SGCD: variants seen among roughly 807,000 people sequenced by gnomAD.
SGCD encodes delta-sarcoglycan.
SGCD carries 18 observed loss-of-function variants against 36.6 expected under a neutral mutation model. That is an observed-to-expected ratio of 0.49 (90% confidence interval 0.34 to 0.73). The LOEUF (loss-of-function observed/expected upper bound fraction) is 0.73. SGCD is among the 30% of genes least tolerant of loss of function. SGCD has a pLI of 0.01. For missense variants in SGCD, 387 were observed against 346.7 expected (o/e 1.12, Z -0.92); for synonymous variants, 133 against 130.6 (o/e 1.02, Z -0.12).
At chr5:156,335,755 C>T (rs1768319777) in intron 2 of SGCD, among the ~76,000 whole-genome samples, 2 of 152,158 alleles carry the variant, frequency 1.3e-5, no homozygotes, top group South Asian at 4.1e-4. Context: ...TTCTCCTTGA[C>T]TCCTGTCCTT....
intron 1 of SGCD, among the ~76,000 whole-genome samples, chr5:155,881,230 A>G (rs1561636647): frequency 6.6e-6 from 1 of 152,030 alleles, no homozygotes; most frequent in Non-Finnish European, 1.5e-5. Flanking sequence ...AGGATTAATC[A>G]GAAAACCACT....
At chr5:155,801,789 A>C in the SGCD span, among the ~76,000 whole-genome samples, 1 of 152,202 alleles carries the variant, frequency 6.6e-6, no homozygotes, top group African/African-American at 2.4e-5. Flanking sequence ...AGAATTCTAG[A>C]GATTGATTCA....
chr5:156,094,013 C>G (rs138745195), intron 1 of SGCD, among the ~76,000 whole-genome samples: 1 of 152,300 alleles, frequency 6.6e-6, no homozygotes, highest in East Asian at 1.9e-4. Flanking sequence ...TGGTATTGCT[C>G]TGTGCAAATC....
At chr5:156,428,119 C>G (rs2127785433) in intron 3 of SGCD, among the ~76,000 whole-genome samples, 1 of 152,166 alleles carries the variant, frequency 6.6e-6, no homozygotes, top group Non-Finnish European at 1.5e-5. Context: ...GGTACCAATT[C>G]CTTTTTTAAT....
rs186889595 is a variant in SGCD at position 156,046,801 on chromosome 5, G to A, written c.-281-71077G>A. Among the ~76,000 whole-genome samples the A allele has an allele frequency of 2.3e-3, 355 of 152,212 alleles. 3 individuals are homozygous for A. Among genetic ancestry groups the A allele is most frequent in the African/African-American group, 8.4e-3 (347 of 41,532 alleles). The stretch of plus-strand genomic sequence containing the variant: ...TCCAATTGTCTCAAGGTATTCAAGT[G>A]AAGGGAAGTATCACATATCTCTCAC... On this transcript the variant is annotated intron_variant, in intron 1 of 9. Coordinates refer to the SGCD transcript ENST00000517913.
intron 2 of SGCD, among the ~76,000 whole-genome samples, chr5:156,343,758 T>A (rs1768794000): frequency 4.6e-5 from 7 of 152,220 alleles, no homozygotes; most frequent in Admixed American, 4.6e-4. Flanking sequence ...TAGTTCATCC[T>A]CTCATTAGCC....
At chr5:156,335,838 A>G (rs116702641) in intron 2 of SGCD, among the ~76,000 whole-genome samples, 1,949 of 151,470 alleles carry the variant, frequency 0.013, 50 homozygotes, top group African/African-American at 0.045. Flanking sequence ...AGATACAGCA[A>G]CTCCCCAGCT....
At chr5:156,264,132 G>T (rs776562695) in intron 3 of SGCD, among the ~76,000 whole-genome samples, 4 of 152,032 alleles carry the variant, frequency 2.6e-5, no homozygotes, top group Non-Finnish European at 5.9e-5. Flanking sequence ...AGAGAAGAAA[G>T]TGTAATTTCA....
intron 4 of SGCD, among the ~76,000 whole-genome samples, chr5:156,526,203 G>A (rs544776868): frequency 7.9e-5 from 12 of 152,196 alleles, no homozygotes; most frequent in Admixed American, 7.9e-4. Context: ...AGCTGGGGAA[G>A]GAGGGAGATA....
At position 155,954,498 on chromosome 5, in the gene SGCD, C is replaced by T. The variant is rs972734017; in HGVS notation, c.-282+84074C>T. On this transcript the variant is annotated intron_variant, in intron 1 of 9. Coordinates refer to the SGCD transcript ENST00000517913. ...TAGCGATCTGGGCATGGGGTTAAAG[C>T]AATTCTTAGCACCCCATCTGTACAA... Among the ~76,000 whole-genome samples the T allele has an allele frequency of 8.6e-5, 13 of 150,586 alleles. No homozygotes were observed. The South Asian group carries it at 2.7e-3, about 32-fold the overall frequency.
chr5:155,900,141 A>G lies in SGCD; in HGVS notation c.-282+29717A>G, dbSNP rs552717752. Among the ~76,000 whole-genome samples the G allele has an allele frequency of 2.4e-4, 37 of 152,288 alleles. 1 individual carries two copies. The East Asian group carries it at 6.9e-3, about 29-fold the overall frequency. On this transcript the variant is annotated intron_variant, in intron 1 of 9. Coordinates refer to the SGCD transcript ENST00000517913. ...TGCCATGATAATGATTATATAGGCC[A>G]TTCTTTCCACATTAGTAAAGATTTT... is the stretch of plus-strand genomic sequence containing the variant.
At chr5:156,130,130 C>T (rs1407494971) in intron 3 of SGCD, among the ~76,000 whole-genome samples, 1 of 152,186 alleles carries the variant, frequency 6.6e-6, no homozygotes, top group Non-Finnish European at 1.5e-5. Flanking sequence ...GTTCCCTTTT[C>T]CCTGCAACCT....
chr5:156,244,944 C>T (rs1765404591), intron 3 of SGCD, among the ~76,000 whole-genome samples: 1 of 152,168 alleles, frequency 6.6e-6, no homozygotes, highest in African/African-American at 2.4e-5. Context: ...GTCCAGACAT[C>T]ATATCATTGG....
At chr5:155,872,236 TAAG>T (rs1755668932) in intron 1 of SGCD, among the ~76,000 whole-genome samples, 2 of 152,070 alleles carry the variant, frequency 1.3e-5, no homozygotes, top group South Asian at 4.1e-4. Flanking sequence ...ACAAAGAGAA[TAAG>T]AATATCTACA....
the SGCD span, among the ~76,000 whole-genome samples, chr5:155,735,763 T>C: frequency 6.6e-6 from 1 of 152,216 alleles, no homozygotes; most frequent in African/African-American, 2.4e-5. Context: ...ACTCCTATAG[T>C]CAAGGGTGTT....
chr5:156,187,557 T>C (rs1366484571), intron 3 of SGCD, among the ~76,000 whole-genome samples: 1 of 152,124 alleles, frequency 6.6e-6, no homozygotes, highest in African/African-American at 2.4e-5. Context: ...AACCTTTCTC[T>C]GCCACAGTTT....
In SGCD at chr5:156,429,640, C is replaced by T. The variant is rs184946900; in HGVS notation, c.193-78961C>T. ...GTGAGATGTATGCTTTAAGGAAGTT[C>T]TATTTTGGTGTATATTGAGGTTTTG... On this transcript the variant is annotated intron_variant, in intron 3 of 8. Coordinates refer to ENST00000337851, the MANE Select transcript of SGCD (RefSeq NM_000337.6). Among the ~76,000 whole-genome samples, 149 of 149,490 alleles carry T rather than the reference C, an allele frequency of 1.0e-3. 1 individual carries two copies. The highest frequency in any genetic ancestry group is 6.2e-3 in the South Asian group (29 of 4,644).
intron 4 of SGCD, among the ~76,000 whole-genome samples, chr5:156,520,760 G>C (rs1008294762): frequency 6.6e-6 from 1 of 152,032 alleles, no homozygotes; most frequent in African/African-American, 2.4e-5. Context: ...GCTCATGCCT[G>C]TAATCCCAGC....
At chr5:156,140,896 G>A (rs1428047132) in intron 3 of SGCD, among the ~76,000 whole-genome samples, 2 of 152,248 alleles carry the variant, frequency 1.3e-5, no homozygotes, top group African/African-American at 4.8e-5. Context: ...ACATATCTTT[G>A]AGGCTGCCAC....
Sources: gnomAD v4.1 joint callset for allele counts (sites outside exome capture counted in the v4.1 genomes callset) on GRCh38, gnomAD v4.1.1 for gene constraint, MANE v1.5 for transcripts, NCBI Gene and HGNC (gene_info 2026-07-23, HGNC 2026-07-21) for gene names.